Variants in LPP observed in about 807,000 individuals in gnomAD.
LPP encodes LIM domain containing preferred translocation partner in lipoma, also known as lipoma-preferred partner.
In LPP, 38 loss-of-function variants were observed where a neutral mutation model predicts 60.4. That is an observed-to-expected ratio of 0.63 (90% CI 0.49 to 0.83). The LOEUF is 0.83. Among genes scored for constraint, LPP ranks in the 40% least tolerant of loss-of-function variants. The probability of loss-of-function intolerance (pLI) is 0.00; values close to 1 mark genes in which losing one functional copy is unlikely to be tolerated. For synonymous variants in LPP, 328 were observed against 290.8 expected, an observed-to-expected ratio of 1.13 and a Z score of -1.30; for missense variants, 902 against 783.6, an observed-to-expected ratio of 1.15 and a Z score of -1.80.
chr3:188,328,648 C>A (rs561614322), intron 2 of LPP, among the ~76,000 whole-genome samples: 7 of 152,062 alleles, frequency 4.6e-5, no homozygotes, highest in African/African-American at 1.7e-4. Context: ...ATGAAAAAAG[C>A]GATTGGTTAG....
intron 2 of LPP, among the ~76,000 whole-genome samples, chr3:188,285,368 C>T (rs1743581713): frequency 6.6e-6 from 1 of 152,028 alleles, no homozygotes; most frequent in African/African-American, 2.4e-5. Flanking sequence ...TCTCCTTTTG[C>T]AGGGTGGGGT....
chr3:188,453,417 C>G (rs1028224386), intron 4 of LPP, among the ~76,000 whole-genome samples: 2 of 152,062 alleles, frequency 1.3e-5, no homozygotes, highest in Non-Finnish European at 2.9e-5. Flanking sequence ...TGATACCGAC[C>G]GGATCCTATC....
intron 4 of LPP, among the ~76,000 whole-genome samples, chr3:188,451,427 C>T (rs1261474591): frequency 6.6e-6 from 1 of 152,188 alleles, no homozygotes; most frequent in Non-Finnish European, 1.5e-5. Context: ...GGCCATTTTA[C>T]TGATGTTACT....
chr3:188,558,098 T>G (rs1478277258), intron 6 of LPP, among the ~76,000 whole-genome samples: 4 of 152,112 alleles, frequency 2.6e-5, no homozygotes, highest in Non-Finnish European at 5.9e-5. Context: ...GTAAGTTCCT[T>G]ATCTGTCTCT....
At chr3:188,617,349 G>T (rs1044706874) in intron 7 of LPP, among the ~76,000 whole-genome samples, 5 of 152,174 alleles carry the variant, frequency 3.3e-5, no homozygotes, top group African/African-American at 1.2e-4. Context: ...CTATTCTGCA[G>T]TTCTTCTCTA....
chr3:188,242,259 T>C (rs2149478864), intron 2 of LPP, among the ~76,000 whole-genome samples: 1 of 152,302 alleles, frequency 6.6e-6, no homozygotes, highest in East Asian at 1.9e-4. Context: ...GTTCAACCTA[T>C]TTCTAACTTA....
chr3:188,701,944 C>CTTTTTTTTTTTTTTTTTTTTT (rs35803152), intron 7 of LPP, among the ~76,000 whole-genome samples: 2 of 83,550 alleles, frequency 2.4e-5, no homozygotes, highest in Admixed American at 1.8e-4. Context: ...GTTTTTTTCC[C>CTTTTTTTTTTTTTTTTTTTTT]TTTTTTTTTT....
chr3:188,627,673 G>A lies in LPP; in HGVS notation c.1113+17829G>A, dbSNP rs374799550. Among the ~76,000 whole-genome samples, 264 of 152,076 alleles carry A rather than the reference G, an allele frequency of 1.7e-3. 7 individuals are homozygous for A. The South Asian group carries it at 0.052, about 30-fold the overall frequency. On this transcript the variant is annotated intron_variant, in intron 7 of 11. Coordinates refer to ENST00000617246, the MANE Select transcript of LPP (RefSeq NM_001375462.1). Reference sequence around the variant, plus strand: ...GGTTATTAGAGAACTACAATAGTGGGAGACTTGAACACTCCACTGACATTT... The same window carrying A: ...GGTTATTAGAGAACTACAATAGTGGAAGACTTGAACACTCCACTGACATTT...
chr3:188,362,668 A>C (rs1160339614), intron 3 of LPP, among the ~76,000 whole-genome samples: 2 of 152,252 alleles, frequency 1.3e-5, no homozygotes, highest in Admixed American at 6.5e-5. Context: ...CATCGAGTTC[A>C]CAATGCCATG....
chr3:188,858,631 C>T (rs1764394880), intron 9 of LPP, among the ~76,000 whole-genome samples: 1 of 152,126 alleles, frequency 6.6e-6, no homozygotes, highest in Admixed American at 6.5e-5. Context: ...TTGCTGTGAT[C>T]TTTTTGTTCT....
At chr3:188,611,596 A>G (rs550597677) in intron 7 of LPP, among the ~76,000 whole-genome samples, 1 of 152,364 alleles carries the variant, frequency 6.6e-6, no homozygotes, top group East Asian at 1.9e-4. Flanking sequence ...TCAACTAGAC[A>G]GACAATTTAG....
intron 7 of LPP, among the ~76,000 whole-genome samples, chr3:188,678,880 T>C (rs1858757212): frequency 1.3e-5 from 2 of 152,226 alleles, no homozygotes; most frequent in Non-Finnish European, 2.9e-5. Context: ...AGTCTGCAGA[T>C]GTAGGTAGGT....
intron 7 of LPP, among the ~76,000 whole-genome samples, chr3:188,621,545 C>T (rs1845800396): frequency 6.6e-6 from 1 of 152,064 alleles, no homozygotes; most frequent in African/African-American, 2.4e-5. Context: ...TTATATGTAC[C>T]ACATTTTTTT....
chr3:188,570,281 G>A (rs1833235725), intron 6 of LPP, among the ~76,000 whole-genome samples: 1 of 151,990 alleles, frequency 6.6e-6, no homozygotes, highest in Admixed American at 6.6e-5. Context: ...CAATATTGGA[G>A]AAAGAAATTA....
Position 188,874,431 on chromosome 3 carries a change from C to T in LPP, c.1791C>T (p.Asn597=). The stretch of plus-strand genomic sequence containing the variant: ...GGCACATCCTCTGCAAGACCTGCAA[C>T]TCTGCCCGCATCAGGGTGTTGACCG... ...LDGHILCKTC[N]SARIRVLTAK... is the part of the protein sequence containing the mutation. The change falls in exon 12 of 12, where the codon AAC becomes AAT. Residue 597 remains asparagine, a synonymous_variant. Coordinates refer to ENST00000617246, the MANE Select transcript of LPP (RefSeq NM_001375462.1). 1 of 1,614,220 alleles carries T rather than the reference C, an allele frequency of 6.2e-7. No individual in the cohort carries two copies.
At chr3:188,790,161 A>C (rs1743227727) in intron 9 of LPP, among the ~76,000 whole-genome samples, 1 of 152,204 alleles carries the variant, frequency 6.6e-6, no homozygotes, top group Non-Finnish European at 1.5e-5. Context: ...AAAGTACAGC[A>C]ACTGCATGCA....
At chr3:188,473,928 A>G (rs1194541873) in intron 4 of LPP, among the ~76,000 whole-genome samples, 1 of 152,218 alleles carries the variant, frequency 6.6e-6, no homozygotes, top group South Asian at 2.1e-4. Context: ...TACTTTGAAG[A>G]CATACCCTCA....
At chr3:188,418,141 G>A (rs1347403900) in intron 4 of LPP, among the ~76,000 whole-genome samples, 1 of 152,052 alleles carries the variant, frequency 6.6e-6, no homozygotes, top group African/African-American at 2.4e-5. Flanking sequence ...ACATTATTAT[G>A]GTTCCTAAAG....
chr3:188,657,258 G>GTA (rs148151207), intron 7 of LPP, among the ~76,000 whole-genome samples: 4,285 of 89,768 alleles, frequency 0.048, 260 homozygotes, highest in Middle Eastern at 0.12. Flanking sequence ...CTGTCAAGGT[G>GTA]TATATATATA....
Sources: gnomAD v4.1 joint callset for allele counts (sites outside exome capture counted in the v4.1 genomes callset) on GRCh38, gnomAD v4.1.1 for gene constraint, MANE v1.5 for transcripts, NCBI Gene and HGNC (gene_info 2026-07-23, HGNC 2026-07-21) for gene names.